Variants in STXBP5 observed in about 807,000 individuals in gnomAD.
The protein encoded by STXBP5 is syntaxin-binding protein 5.
A neutral mutation model predicts 152.4 loss-of-function variants in STXBP5; 50 were observed. The ratio of observed to expected loss-of-function variants is 0.33; its 90% CI spans 0.26 to 0.42. The LOEUF is 0.42. Ranked by LOEUF, STXBP5 falls within the 10% of genes least tolerant of loss-of-function variation. The probability of loss-of-function intolerance (pLI) is 1.00; values close to 1 mark genes in which losing one functional copy is unlikely to be tolerated. For synonymous variants in STXBP5, 492 were observed against 494.7 expected (o/e 0.99, Z 0.07); for missense variants, 1,167 against 1,388.6 (o/e 0.84, Z 2.54).
chr6:147,237,667 G>T (rs1778347358), intron 3 of STXBP5, among the ~76,000 whole-genome samples: 1 of 152,160 alleles, frequency 6.6e-6, no homozygotes, highest in African/African-American at 2.4e-5. Flanking sequence ...CAGTTGTCAT[G>T]TCCTGGCAAC....
intron 25 of STXBP5, among the ~76,000 whole-genome samples, chr6:147,370,517 A>G (rs1394061110): frequency 6.6e-6 from 1 of 152,144 alleles, no homozygotes; most frequent in African/African-American, 2.4e-5. Flanking sequence ...TTCTTTTTAC[A>G]GTATTATTCT....
At chr6:147,272,414 G>A (rs1238322580) in intron 7 of STXBP5, among the ~76,000 whole-genome samples, 1 of 152,152 alleles carries the variant, frequency 6.6e-6, no homozygotes, top group Non-Finnish European at 1.5e-5. Flanking sequence ...GTTAAGTTAG[G>A]TATAAATTCT....
intron 2 of STXBP5, among the ~76,000 whole-genome samples, chr6:147,227,943 A>G (rs1251122846): frequency 6.6e-6 from 1 of 152,062 alleles, no homozygotes; most frequent in Non-Finnish European, 1.5e-5. Flanking sequence ...TCATGCTTAA[A>G]TGCCTCAGGC....
chr6:147,382,329 G>A (rs1246006911), intron 26 of STXBP5, among the ~76,000 whole-genome samples: 4 of 152,092 alleles, frequency 2.6e-5, no homozygotes, highest in African/African-American at 9.7e-5. Flanking sequence ...TTACTTCTGA[G>A]CCTAAGCACA....
chr6:147,382,747 A>G (rs1786151462), intron 26 of STXBP5, 31 bp from the exon 27 acceptor site: 1 of 1,602,068 alleles, frequency 6.2e-7, no homozygotes, highest in Non-Finnish European at 8.5e-7. Flanking sequence ...TCATGTTTTG[A>G]GTTACTCTTT....
At position 147,337,214 on chromosome 6, in the gene STXBP5, C is replaced by CACACACACAA. The variant is rs150169446; in HGVS notation, c.2147-1964_2147-1963insCACACACAAA. 1.0e-3 allele frequency among the ~76,000 whole-genome samples: 152 copies of CACACACACAA among 147,384 alleles called. 1 individual carries two copies. Among genetic ancestry groups the CACACACACAA allele is most frequent in the African/African-American group, 2.7e-3 (106 of 39,646 alleles). On this transcript the variant is annotated intron_variant, in intron 19 of 27. Transcript: ENST00000321680. Reference sequence around the variant, plus strand: ...ATAGACACACACACACACACACACACAAGAAGTCATGTTAAAATAAATTTT... The same window carrying CACACACACAA: ...ATAGACACACACACACACACACACACACACACACAAAAGAAGTCATGTTAAAATAAATTTT...
intron 9 of STXBP5, among the ~76,000 whole-genome samples, chr6:147,307,537 T>C (rs1224714365): frequency 6.6e-6 from 1 of 152,164 alleles, no homozygotes; most frequent in Non-Finnish European, 1.5e-5. Flanking sequence ...TTTATCATTG[T>C]ATTTATGACT....
chr6:147,263,670 C>G (rs1779752169), intron 6 of STXBP5, among the ~76,000 whole-genome samples: 1 of 151,942 alleles, frequency 6.6e-6, no homozygotes, highest in African/African-American at 2.4e-5. Context: ...ATGAACTGCT[C>G]TTTGATGTTT....
At chr6:147,317,449 G>A (rs1431860818) in intron 16 of STXBP5, among the ~76,000 whole-genome samples, 1 of 152,090 alleles carries the variant, frequency 6.6e-6, no homozygotes, top group African/African-American at 2.4e-5. Context: ...TTCCCTAGGG[G>A]ACATTTGGAG....
chr6:147,332,790 CCT>C (rs1783640455), intron 18 of STXBP5, among the ~76,000 whole-genome samples: 1 of 152,162 alleles, frequency 6.6e-6, no homozygotes, highest in African/African-American at 2.4e-5. Flanking sequence ...TAAACTAAAT[CCT>C]CTCTATCCAC....
chr6:147,325,077 T>C lies in STXBP5; in HGVS notation c.1921T>C (p.Tyr641His). The change falls in exon 17 of 28, where the codon TAT becomes CAT. Residue 641 changes from tyrosine to histidine, a missense_variant. Tyr to His is a moderately conservative substitution (Grantham distance 83, BLOSUM62 2). Transcript: ENST00000321680. ...QITSLAVNSS[Y>H]GLVVFGNCNG... ...AACCAGCCTGGCAGTCAATTCTTCC[T>C]ATGGACTGTAAGTATAAGTTACGTT... 3 of 1,542,570 alleles carry C rather than the reference T, an allele frequency of 1.9e-6. No homozygotes were observed. Among genetic ancestry groups the C allele is most frequent in the Non-Finnish European group, 2.6e-6 (3 of 1,140,750 alleles).
At chr6:147,356,285 A>G (rs1027312644) in intron 22 of STXBP5, among the ~76,000 whole-genome samples, 1 of 152,000 alleles carries the variant, frequency 6.6e-6, no homozygotes, top group Non-Finnish European at 1.5e-5. Context: ...AATGAAATCT[A>G]TATTATCTAC....
chr6:147,294,857 T>C (rs956561381), intron 9 of STXBP5, among the ~76,000 whole-genome samples: 1 of 152,202 alleles, frequency 6.6e-6, no homozygotes, highest in African/African-American at 2.4e-5. Context: ...TATATATTTG[T>C]CTGTATACTG....
chr6:147,344,414 G>T (rs980991550), intron 21 of STXBP5, among the ~76,000 whole-genome samples: 1 of 152,136 alleles, frequency 6.6e-6, no homozygotes, highest in Non-Finnish European at 1.5e-5. Flanking sequence ...GGCAATTTAT[G>T]TTCTGTCATT....
intron 21 of STXBP5, among the ~76,000 whole-genome samples, chr6:147,349,931 C>T (rs1003355080): frequency 6.6e-6 from 1 of 152,160 alleles, no homozygotes; most frequent in Non-Finnish European, 1.5e-5. Flanking sequence ...TCAAGTTCTG[C>T]ATTCAAGGAG....
chr6:147,291,527 T>C (rs1781276421), intron 9 of STXBP5, among the ~76,000 whole-genome samples: 1 of 152,146 alleles, frequency 6.6e-6, no homozygotes, highest in African/African-American at 2.4e-5. Flanking sequence ...TTATTTTTAC[T>C]ATATATGTTA....
chr6:147,384,736 A>G lies in STXBP5; in HGVS notation c.3437A>G (p.Lys1146Arg). 1 of 1,612,090 alleles carries G rather than the reference A, an allele frequency of 6.2e-7. No homozygotes were observed. The highest frequency in any genetic ancestry group is 1.1e-5 in the South Asian group (1 of 90,716). Residue 1146 changes from lysine (K) to arginine (R), a missense_variant, in exon 28 of 28, where the codon AAG (lysine) becomes AGG (arginine). Coordinates refer to ENST00000321680, the MANE Select transcript of STXBP5 (RefSeq NM_001127715.4). ...TAGATTATGTTGAAATACAAAGATA[A>G]GAAGTGGTACCAGTTCTGACAACCA... Reference protein sequence around the residue: ...AHEIMLKYKDKKWYQF With the variant: ...AHEIMLKYKDRKWYQF
chr6:147,290,642 T>G (rs2128351832), intron 8 of STXBP5, among the ~76,000 whole-genome samples: 1 of 152,342 alleles, frequency 6.6e-6, no homozygotes, highest in South Asian at 2.1e-4. Context: ...ACAGTGGATG[T>G]ATTTACTTAA....
chr6:147,296,416 A>C (rs897001246), intron 9 of STXBP5, among the ~76,000 whole-genome samples: 3 of 152,140 alleles, frequency 2.0e-5, no homozygotes, highest in Non-Finnish European at 2.9e-5. Flanking sequence ...AGACTACATC[A>C]TGTCTCCACC....
Sources: allele counts gnomAD v4.1 joint callset (sites outside exome capture counted in the v4.1 genomes callset), GRCh38; gene constraint gnomAD v4.1.1; transcripts MANE v1.5; gene names NCBI Gene and HGNC (gene_info 2026-07-23, HGNC 2026-07-21).